The following RORB variants were observed in gnomAD, a reference collection of about 807,000 sequenced individuals.
RORB encodes the protein RAR related orphan receptor B.
A neutral mutation model predicts 59.1 loss-of-function variants in RORB; 6 were observed. The ratio of observed to expected loss-of-function variants is 0.10; its 90% confidence interval spans 0.06 to 0.20. The LOEUF (loss-of-function observed/expected upper bound fraction) is 0.20, where lower values mean the gene tolerates loss of function less well. Ranked by LOEUF, RORB falls within the 10% of genes least tolerant of loss-of-function variation. The pLI is 1.00. For missense variants in RORB, 320 were observed against 560.5 expected (o/e 0.57, Z 4.33); for synonymous variants, 215 against 204.5 (o/e 1.05, Z -0.44).
intron 1 of RORB, among the ~76,000 whole-genome samples, chr9:74,567,948 T>G (rs1822493238): frequency 6.6e-6 from 1 of 152,224 alleles, no homozygotes; most frequent in South Asian, 2.1e-4. Flanking sequence ...TGTCATTTTA[T>G]TTTTACAACC....
chr9:74,619,935 C>T (rs562212055), intron 1 of RORB, among the ~76,000 whole-genome samples: 5 of 152,216 alleles, frequency 3.3e-5, no homozygotes, highest in Admixed American at 2.0e-4. Context: ...CTGCTGGATT[C>T]GGTTTGCCAG....
chr9:74,597,267 A>G (rs1329672811), intron 1 of RORB, among the ~76,000 whole-genome samples: 1 of 152,208 alleles, frequency 6.6e-6, no homozygotes, highest in African/African-American at 2.4e-5. Context: ...TTTAGTCTCA[A>G]TTCAGTCAAA....
chr9:74,509,093 T>C (rs1473539728), intron 1 of RORB, among the ~76,000 whole-genome samples: 3 of 152,020 alleles, frequency 2.0e-5, no homozygotes, highest in African/African-American at 7.2e-5. Flanking sequence ...ACATGAAGAA[T>C]AGAGAATAAT....
At chr9:74,662,800 T>C (rs1396154746) in intron 6 of RORB, among the ~76,000 whole-genome samples, 194 bp downstream of exon 6, 1 of 152,192 alleles carries the variant, frequency 6.6e-6, no homozygotes, top group Non-Finnish European at 1.5e-5. Context: ...TGAAGTCAAA[T>C]ACAATTTTGC....
intron 3 of RORB, among the ~76,000 whole-genome samples, chr9:74,636,192 T>C (rs1288421169): frequency 6.6e-6 from 1 of 152,200 alleles, no homozygotes; most frequent in Non-Finnish European, 1.5e-5. Context: ...TTTTTGATAC[T>C]TATTTCGTGT....
At chr9:74,649,375 C>G (rs1823954552) in intron 4 of RORB, among the ~76,000 whole-genome samples, 1 of 152,134 alleles carries the variant, frequency 6.6e-6, no homozygotes. Flanking sequence ...GAATATCTCC[C>G]AAAGCCTGCT....
In RORB at chr9:74,582,492, G is replaced by A. The variant is rs548713569; in HGVS notation, c.8-47790G>A. 5.3e-5 allele frequency among the ~76,000 whole-genome samples: 8 copies of A among 152,326 alleles called. 1 individual carries two copies. Among genetic ancestry groups the A allele is most frequent in the Admixed American group, 5.2e-4 (8 of 15,300 alleles). ...TTATTAAATTGAAGAGAACCTTACA[G>A]AGGTTACAAACTGGCAGACTGCATG... On this transcript the variant is annotated intron_variant, in intron 1 of 9. Transcript: ENST00000376896.
At chr9:74,595,923 T>C (rs938676435) in intron 1 of RORB, among the ~76,000 whole-genome samples, 14 of 152,160 alleles carry the variant, frequency 9.2e-5, no homozygotes, top group Admixed American at 9.2e-4. Context: ...CTGTCTTAGC[T>C]AGTAAATTTC....
At position 74,551,449 on chromosome 9, in the gene RORB, C is replaced by T. The variant is rs114377130; in HGVS notation, c.7+53466C>T. Among the ~76,000 whole-genome samples, 445 of 152,280 alleles carry T rather than the reference C, an allele frequency of 2.9e-3. 5 individuals are homozygous for T. The highest frequency in any genetic ancestry group is 0.01 in the African/African-American group (423 of 41,570). On this transcript the variant is annotated intron_variant, in intron 1 of 9. Coordinates refer to ENST00000376896, the MANE Select transcript of RORB (RefSeq NM_006914.4). ...GACTAAGGGGAGGGCATCAACAGCA[C>T]GGATACAGTGGACAAAGAGATGATT...
At chr9:74,500,070 C>T (rs530134445) in intron 1 of RORB, among the ~76,000 whole-genome samples, 50 of 152,272 alleles carry the variant, frequency 3.3e-4, no homozygotes, top group Admixed American at 1.8e-3. Flanking sequence ...AGGCGCTGGT[C>T]CTCATGCTCA....
chr9:74,659,871 A>G (rs1281408472), intron 4 of RORB, among the ~76,000 whole-genome samples: 2 of 152,132 alleles, frequency 1.3e-5, no homozygotes, highest in Non-Finnish European at 2.9e-5. Context: ...TTTGCTACTA[A>G]TTTTTGTGAA....
chr9:74,605,048 A>C (rs1823127766), intron 1 of RORB, among the ~76,000 whole-genome samples: 1 of 152,212 alleles, frequency 6.6e-6, no homozygotes, highest in African/African-American at 2.4e-5. Flanking sequence ...TCCTAGAAAG[A>C]AAAGAAGAGA....
At chr9:74,623,060 C>A (rs1280832032) in intron 1 of RORB, among the ~76,000 whole-genome samples, 1 of 152,166 alleles carries the variant, frequency 6.6e-6, no homozygotes, top group Non-Finnish European at 1.5e-5. Flanking sequence ...TCCAGAACTA[C>A]TGTGAATAGC....
At chr9:74,651,242 A>T (rs985507042) in intron 4 of RORB, among the ~76,000 whole-genome samples, 1 of 152,136 alleles carries the variant, frequency 6.6e-6, no homozygotes. Context: ...AACAAAGAAA[A>T]TTCTCATGTC....
rs1296784193 is a variant in RORB at position 74,561,049 on chromosome 9, G to T, written c.7+63066G>T. On this transcript the variant is annotated intron_variant, in intron 1 of 9. Coordinates refer to ENST00000376896, the MANE Select transcript of RORB (RefSeq NM_006914.4). Reference sequence around the variant, plus strand: ...ATGAAAGATGATGTTGCTGCCAATAGATTCAACTTCCCTTCCATTCTTCTT... The same window carrying T: ...ATGAAAGATGATGTTGCTGCCAATATATTCAACTTCCCTTCCATTCTTCTT... 2.6e-5 allele frequency among the ~76,000 whole-genome samples: 4 copies of T among 152,062 alleles called. No individual in the cohort carries two copies. The East Asian group carries it at 7.7e-4, about 29-fold the overall frequency.
intron 1 of RORB, among the ~76,000 whole-genome samples, chr9:74,565,450 C>T (rs537254665): frequency 1.3e-5 from 2 of 152,122 alleles, no homozygotes; most frequent in Non-Finnish European, 2.9e-5. Flanking sequence ...AGTTTCGTCA[C>T]TGTTCATTGC....
chr9:74,540,526 A>G (rs1294530962), intron 1 of RORB, among the ~76,000 whole-genome samples: 1 of 152,250 alleles, frequency 6.6e-6, no homozygotes, highest in Non-Finnish European at 1.5e-5. Context: ...ACAGCAAATA[A>G]GAAAATATAT....
chr9:74,631,673 T>C (rs905599730), intron 2 of RORB, among the ~76,000 whole-genome samples: 1 of 152,180 alleles, frequency 6.6e-6, no homozygotes, highest in East Asian at 1.9e-4. Flanking sequence ...GAGCATGATA[T>C]TAACGTACTA....
At chr9:74,550,530 T>TTTCC (rs1184421393) in intron 1 of RORB, among the ~76,000 whole-genome samples, 1 of 152,214 alleles carries the variant, frequency 6.6e-6, no homozygotes, top group Non-Finnish European at 1.5e-5. Flanking sequence ...GTTAGAGAAG[T>TTTCC]AGTTTTTATT....
Sources: allele counts gnomAD v4.1 joint callset (sites outside exome capture counted in the v4.1 genomes callset), GRCh38; gene constraint gnomAD v4.1.1; transcripts MANE v1.5; gene names NCBI Gene and HGNC (gene_info 2026-07-23, HGNC 2026-07-21).